Variants in RFPL1 observed in about 807,000 individuals in gnomAD.
RFPL1 encodes the protein ret finger protein like 1, also known as ret finger protein-like 1.
Under a neutral mutation model 9.6 loss-of-function variants are expected in RFPL1, and 6 were observed. That is an observed-to-expected ratio of 0.62 (90% confidence interval 0.34 to 1.23). The LOEUF (loss-of-function observed/expected upper bound fraction) is 1.23, where lower values mean the gene tolerates loss of function less well. Ranked by LOEUF, RFPL1 falls within the 50% of genes most tolerant of loss-of-function variation. The probability of loss-of-function intolerance (pLI) is 0.03; values close to 1 mark genes in which losing one functional copy is unlikely to be tolerated. For missense variants in RFPL1, 352 were observed against 398.4 expected, an observed-to-expected ratio of 0.88 and a Z score of 0.99; for synonymous variants, 145 against 149.4, an observed-to-expected ratio of 0.97 and a Z score of 0.22.
At chr22:29,433,701 G>C (rs2062795166), upstream of RFPL1, among the ~76,000 whole-genome samples, 1 of 152,138 alleles carries the variant, frequency 6.6e-6, no homozygotes, top group Non-Finnish European at 1.5e-5. Context: ...TCAGCTGTGA[G>C]TATAGATTAG....
chr22:29,419,489 C>T, the RFPL1 span, among the ~76,000 whole-genome samples: 1 of 151,970 alleles, frequency 6.6e-6, no homozygotes, highest in Non-Finnish European at 1.5e-5. Context: ...GTCGCTCACA[C>T]CTGTAATCCC....
the RFPL1 span, among the ~76,000 whole-genome samples, chr22:29,415,354 G>A: frequency 2.0e-5 from 3 of 152,232 alleles, no homozygotes; most frequent in African/African-American, 7.2e-5. Flanking sequence ...CAGTCCTACC[G>A]TATTCCAGAT....
At chr22:29,420,842 C>T in the RFPL1 span, among the ~76,000 whole-genome samples, 4 of 151,610 alleles carry the variant, frequency 2.6e-5, no homozygotes, top group Admixed American at 6.6e-5. Context: ...GGTTTCACCA[C>T]GTTGGCCTGG....
chr22:29,419,712 A>G, the RFPL1 span, among the ~76,000 whole-genome samples: 1 of 150,052 alleles, frequency 6.7e-6, no homozygotes, highest in South Asian at 2.2e-4. Flanking sequence ...CTGAGGCTGG[A>G]GGATTGTTTG....
the RFPL1 span, among the ~76,000 whole-genome samples, chr22:29,400,264 G>A: frequency 6.6e-6 from 1 of 152,102 alleles, no homozygotes; most frequent in Non-Finnish European, 1.5e-5. Flanking sequence ...CCAAAGTGCT[G>A]GGATTACAGG....
At chr22:29,436,094 T>A (rs1378905697), upstream of RFPL1, among the ~76,000 whole-genome samples, 1 of 151,692 alleles carries the variant, frequency 6.6e-6, no homozygotes, top group African/African-American at 2.4e-5. Flanking sequence ...GGATACAGAA[T>A]TATACCTAGA....
upstream of RFPL1, chr22:29,435,113 C>T (rs113879420): frequency 1.3e-5 from 2 of 152,238 alleles, no homozygotes; most frequent in African/African-American, 4.8e-5. Flanking sequence ...AAATATGGAA[C>T]ATCTCAAACC....
the RFPL1 span, among the ~76,000 whole-genome samples, chr22:29,428,105 C>T: frequency 6.6e-6 from 1 of 152,180 alleles, no homozygotes; most frequent in African/African-American, 2.4e-5. Context: ...GCCTCTCAGC[C>T]TCCTGGGACT....
the RFPL1 span, among the ~76,000 whole-genome samples, chr22:29,396,302 T>C: frequency 6.6e-6 from 1 of 152,192 alleles, no homozygotes; most frequent in Non-Finnish European, 1.5e-5. Context: ...TTAATGCCAA[T>C]CACAGAAGGG....
the RFPL1 span, among the ~76,000 whole-genome samples, chr22:29,410,464 C>CTA: frequency 1.7e-5 from 1 of 57,488 alleles, no homozygotes; most frequent in Non-Finnish European, 2.8e-5. Flanking sequence ...ATATATATAT[C>CTA]TATATATAGA....
At chr22:29,425,320 C>G in the RFPL1 span, among the ~76,000 whole-genome samples, 1 of 152,124 alleles carries the variant, frequency 6.6e-6, no homozygotes, top group Non-Finnish European at 1.5e-5. Flanking sequence ...CACGCTGAAC[C>G]TTGGTAAACC....
At chr22:29,406,171 C>T in the RFPL1 span, among the ~76,000 whole-genome samples, 1 of 139,020 alleles carries the variant, frequency 7.2e-6, no homozygotes, top group Non-Finnish European at 1.5e-5. Flanking sequence ...TAACACATCT[C>T]TTTCATGAGC....
chr22:29,407,150 T>C, the RFPL1 span, among the ~76,000 whole-genome samples: 2 of 151,592 alleles, frequency 1.3e-5, no homozygotes, highest in East Asian at 1.9e-4. Context: ...CAGGAGTGCA[T>C]TGGTGCAATC....
chr22:29,394,692 C>A, the RFPL1 span, among the ~76,000 whole-genome samples: 1 of 152,348 alleles, frequency 6.6e-6, no homozygotes, highest in South Asian at 2.1e-4. Context: ...TGTGCACCCA[C>A]CATGGGCCAA....
At chr22:29,438,855 T>G (rs771954208) in exon 1 of RFPL1, 1 of 1,613,868 alleles carries the variant, frequency 6.2e-7, no homozygotes, top group African/African-American at 1.3e-5. Flanking sequence ...TCTTCCCTTG[T>G]GCACTTTTCC....
chr22:29,430,915 G>A, the RFPL1 span, among the ~76,000 whole-genome samples: 1,646 of 152,168 alleles, frequency 0.011, 31 homozygotes, highest in African/African-American at 0.038. Context: ...GAATGAGATG[G>A]CAATATTAGT....
At chr22:29,416,932 C>T in the RFPL1 span, among the ~76,000 whole-genome samples, 41,187 of 152,124 alleles carry the variant, frequency 0.27, 7,524 homozygotes, top group African/African-American at 0.48. Context: ...CAGGCCTTCT[C>T]AAGATGTGAA....
the RFPL1 span, among the ~76,000 whole-genome samples, chr22:29,401,900 C>T: frequency 6.6e-6 from 1 of 152,208 alleles, no homozygotes; most frequent in African/African-American, 2.4e-5. Flanking sequence ...TAGCCTCAGA[C>T]AATTGAATCC....
At chr22:29,429,567 A>T in the RFPL1 span, among the ~76,000 whole-genome samples, 1 of 152,334 alleles carries the variant, frequency 6.6e-6, no homozygotes, top group South Asian at 2.1e-4. Flanking sequence ...AGACTAGAGG[A>T]AATGCACAGA....
Sources: gnomAD v4.1 joint callset for allele counts (sites outside exome capture counted in the v4.1 genomes callset) on GRCh38, gnomAD v4.1.1 for gene constraint, MANE v1.5 for transcripts, NCBI Gene and HGNC (gene_info 2026-07-23, HGNC 2026-07-21) for gene names.